Variants in ALDH1A2 observed in about 807,000 individuals in gnomAD.
The protein encoded by ALDH1A2 is retinal dehydrogenase 2.
ALDH1A2 carries 27 observed loss-of-function variants against 60.3 expected under a neutral mutation model. The ratio of observed to expected loss-of-function variants is 0.45; its 90% CI spans 0.33 to 0.62. The LOEUF (loss-of-function observed/expected upper bound fraction) is 0.62. ALDH1A2 is among the 20% of genes least tolerant of loss of function. The probability of loss-of-function intolerance (pLI) is 0.02; values close to 1 mark genes in which losing one functional copy is unlikely to be tolerated. For missense variants in ALDH1A2, 581 were observed against 643.8 expected, an observed-to-expected ratio of 0.90 and a Z score of 1.06; for synonymous variants, 289 against 232.4, an observed-to-expected ratio of 1.24 and a Z score of -2.21.
chr15:58,044,820 G>A (rs570865068), intron 1 of ALDH1A2, among the ~76,000 whole-genome samples: 32 of 152,110 alleles, frequency 2.1e-4, no homozygotes, highest in African/African-American at 7.0e-4. Context: ...GAGGAGGGCC[G>A]GTTTTGGATG....
At chr15:57,978,597 T>A (rs1894359895) in intron 7 of ALDH1A2, among the ~76,000 whole-genome samples, 1 of 152,128 alleles carries the variant, frequency 6.6e-6, no homozygotes, top group African/African-American at 2.4e-5. Flanking sequence ...TTGTGTTTGG[T>A]CCACAGTCAT....
chr15:58,019,328 T>C (rs1012705939), intron 1 of ALDH1A2, among the ~76,000 whole-genome samples: 1 of 152,210 alleles, frequency 6.6e-6, no homozygotes. Context: ...TCTTGAAACA[T>C]GGCCCAATGA....
intron 1 of ALDH1A2, 111 bp downstream of exon 1, chr15:58,065,423 C>G: frequency 7.4e-6 from 7 of 945,044 alleles, no homozygotes; most frequent in Admixed American, 3.4e-5. Flanking sequence ...GACAGGCTGG[C>G]CCCGACGACC....
chr15:58,013,731 G>T (rs557637142), intron 3 of ALDH1A2, 127 bp downstream of exon 3: 6 of 1,299,630 alleles, frequency 4.6e-6, no homozygotes, highest in South Asian at 1.6e-5. Flanking sequence ...CAGCCTGGGC[G>T]ACAGAGCTAG....
chr15:57,956,423 A>C (rs1265089039), intron 12 of ALDH1A2, among the ~76,000 whole-genome samples: 1 of 152,182 alleles, frequency 6.6e-6, no homozygotes, highest in Non-Finnish European at 1.5e-5. Flanking sequence ...ACCTGCTGTA[A>C]ATGATTCATT....
At chr15:57,982,371 T>G (rs1894544793) in intron 7 of ALDH1A2, among the ~76,000 whole-genome samples, 1 of 152,246 alleles carries the variant, frequency 6.6e-6, no homozygotes, top group Non-Finnish European at 1.5e-5. Flanking sequence ...TTTAGTATGA[T>G]TTGAAGACTA....
rs548362536 is a variant in ALDH1A2, at chr15:58,031,931, G to A, written c.118-17650C>T. ...GGGACTGTAAACTAGTTCAACCATTGTGGAAGTCAGCGTGGCGATTCCTCA... is the reference window on the plus strand; with the variant it reads ...GGGACTGTAAACTAGTTCAACCATTATGGAAGTCAGCGTGGCGATTCCTCA... On this transcript the variant is annotated intron_variant, in intron 1 of 12. Coordinates refer to ENST00000249750, the MANE Select transcript of ALDH1A2 (RefSeq NM_003888.4). Among the ~76,000 whole-genome samples, 4 of 152,304 alleles carry A rather than the reference G, an allele frequency of 2.6e-5. No homozygotes were observed. In the East Asian group the frequency reaches 7.7e-4, roughly 29 times the overall value.
At chr15:58,057,979 C>A (rs1483091693) in intron 1 of ALDH1A2, 3 of 1,048,596 alleles carry the variant, frequency 2.9e-6, no homozygotes, top group East Asian at 3.0e-5. Context: ...ATTATATTAT[C>A]AAACTGTAAA....
intron 3 of ALDH1A2, among the ~76,000 whole-genome samples, chr15:58,011,327 GT>G (rs1895627449): frequency 6.6e-6 from 1 of 152,102 alleles, no homozygotes; most frequent in African/African-American, 2.4e-5. Flanking sequence ...TTAAAGGCTG[GT>G]TTTTTGTAAA....
At chr15:57,971,573 C>G in intron 7 of ALDH1A2, among the ~76,000 whole-genome samples, 1 of 151,916 alleles carries the variant, frequency 6.6e-6, no homozygotes. Flanking sequence ...CAGGCACTTG[C>G]CATCATGCCT....
At chr15:58,064,795 CTTT>C (rs1329129751) in intron 1 of ALDH1A2, among the ~76,000 whole-genome samples, 2 of 151,856 alleles carry the variant, frequency 1.3e-5, no homozygotes, top group Non-Finnish European at 2.9e-5. Context: ...GACGCATATT[CTTT>C]TTTAGGCGAT....
At position 58,014,267 on chromosome 15, in the gene ALDH1A2, G is replaced by C; in HGVS notation, c.132C>G (p.Asn44Lys). ...EIKYTKIFIN[N>K]EWQNSESGRV... ...TCCCACTCTCTGAGTTCTGCCACTC[G>C]TTGTTTATAAAGATCTAAGGGAGTA... The change falls in exon 2 of 13, where the codon AAC becomes AAG. Residue 44 changes from asparagine (N) to lysine (K), a missense_variant. By Grantham distance (94) the Asn-to-Lys change is moderately conservative. Around this residue, in one of 2 missense-constraint regions of ALDH1A2, gnomAD observed 206 missense variants for 174.1 expected, o/e 1.18. Coordinates refer to ENST00000249750, the MANE Select transcript of ALDH1A2 (RefSeq NM_003888.4). 1 of 1,613,782 alleles carries C rather than the reference G, an allele frequency of 6.2e-7. No homozygotes were observed. Among genetic ancestry groups the C allele is most frequent in the Non-Finnish European group, 8.5e-7 (1 of 1,179,714 alleles).
chr15:58,025,563 A>T (rs1283841814), intron 1 of ALDH1A2, among the ~76,000 whole-genome samples: 1 of 152,224 alleles, frequency 6.6e-6, no homozygotes, highest in Non-Finnish European at 1.5e-5. Context: ...AATCCAGCCA[A>T]ATTCTACCAA....
At chr15:58,049,665 C>A (rs1896725970) in intron 1 of ALDH1A2, among the ~76,000 whole-genome samples, 1 of 151,912 alleles carries the variant, frequency 6.6e-6, no homozygotes. Flanking sequence ...TAACTGGTCT[C>A]CCCAAATGTC....
intron 7 of ALDH1A2, among the ~76,000 whole-genome samples, chr15:57,988,009 T>C (rs1894767798): frequency 6.6e-6 from 1 of 151,594 alleles, no homozygotes; most frequent in Non-Finnish European, 1.5e-5. Context: ...ATAAGGAAAA[T>C]TATGCCAGAA....
intron 1 of ALDH1A2, among the ~76,000 whole-genome samples, chr15:58,033,554 T>G (rs546860708): frequency 6.6e-6 from 1 of 152,042 alleles, no homozygotes; most frequent in African/African-American, 2.4e-5. Flanking sequence ...CTTACAACAC[T>G]AAATCTAATC....
chr15:58,032,673 T>C (rs887024675), intron 1 of ALDH1A2, among the ~76,000 whole-genome samples: 3 of 151,978 alleles, frequency 2.0e-5, no homozygotes, highest in African/African-American at 7.2e-5. Context: ...AATCCCACTA[T>C]TGGTTATCTA....
intron 11 of ALDH1A2, 98 bp from the exon 12 acceptor site, chr15:57,960,942 C>G: frequency 7.2e-7 from 1 of 1,396,870 alleles, no homozygotes. Flanking sequence ...TTTTAAATTC[C>G]TTTCCTCCAG....
chr15:57,987,986 A>C (rs1894766732), intron 7 of ALDH1A2, among the ~76,000 whole-genome samples: 1 of 152,194 alleles, frequency 6.6e-6, no homozygotes, highest in Admixed American at 6.5e-5. Context: ...AGAAACGTTA[A>C]AGATCGTTAC....
Sources: allele counts gnomAD v4.1 joint callset (sites outside exome capture counted in the v4.1 genomes callset), GRCh38; gene constraint gnomAD v4.1.1; regional missense constraint gnomAD v4.1.1; transcripts MANE v1.5; gene names NCBI Gene and HGNC (gene_info 2026-07-23, HGNC 2026-07-21).